SND1: variants seen among roughly 807,000 people sequenced by gnomAD.
The protein encoded by SND1 is staphylococcal nuclease and tudor domain containing 1, also known as staphylococcal nuclease domain-containing protein 1.
SND1 carries 38 observed loss-of-function variants against 121.7 expected under a neutral mutation model. That is an observed-to-expected ratio of 0.31 (90% CI 0.24 to 0.41). The LOEUF is 0.41. Ranked by LOEUF, SND1 falls within the 10% of genes least tolerant of loss-of-function variation. SND1 has a pLI of 1.00. For synonymous variants in SND1, 401 were observed against 447.4 expected (o/e 0.90, Z 1.31); for missense variants, 868 against 1,184.6 (o/e 0.73, Z 3.92).
intron 10 of SND1, among the ~76,000 whole-genome samples, chr7:127,723,721 C>T (rs1227307350): frequency 1.3e-5 from 2 of 152,202 alleles, no homozygotes; most frequent in Admixed American, 1.3e-4. Flanking sequence ...GAATGGCTCT[C>T]TAGGCCAGCG....
intron 10 of SND1, among the ~76,000 whole-genome samples, chr7:127,799,175 A>G (rs1423369906): frequency 1.3e-5 from 2 of 152,192 alleles, no homozygotes; most frequent in Non-Finnish European, 2.9e-5. Context: ...AAACCTGACA[A>G]CCACCGACAG....
chr7:127,734,345 A>G (rs1245841529), intron 10 of SND1, among the ~76,000 whole-genome samples: 1 of 152,110 alleles, frequency 6.6e-6, no homozygotes, highest in Admixed American at 6.5e-5. Flanking sequence ...GGTTTATAAC[A>G]TACTATTTGA....
Position 128,074,598 on chromosome 7 carries a change from G to A in SND1, c.1876G>A (p.Ala626Thr). The part of the protein sequence containing the change: ...ANLSVLLVEH[A>T]LSKVHFTAER... ...CCTGTCCGTCCTGCTGGTGGAGCAC[G>A]CGCTCTCCAAGGTCCACTTCACCGC... The change falls in exon 17 of 24, where the codon GCG becomes ACG. Residue 626 changes from alanine to threonine, a missense_variant. Coordinates refer to ENST00000354725, the MANE Select transcript of SND1 (RefSeq NM_014390.4). 1.9e-6 allele frequency: 3 copies of A among 1,613,864 alleles called. No individual in the cohort carries two copies. The highest frequency in any genetic ancestry group is 8.5e-7 in the Non-Finnish European group (1 of 1,179,998).
Position 128,029,508 on chromosome 7 carries a change from G to A in SND1, c.1779+38452G>A. ...CAGCAACCACTTCACGGAGGACATAGGGGGAGTCCGACACTTAAGTTCTGC... is the reference window on the plus strand; with the variant it reads ...CAGCAACCACTTCACGGAGGACATAAGGGGAGTCCGACACTTAAGTTCTGC... On this transcript the variant is annotated intron_variant, in intron 16 of 23. Transcript: ENST00000354725. This position sits in a 1 kb window ranked among gnomAD's most constrained non-coding sequence, Gnocchi z 4.2. The A allele has an allele frequency of 3.7e-6, 6 of 1,614,112 alleles. No individual in the cohort carries two copies. Among genetic ancestry groups the A allele is most frequent in the Non-Finnish European group, 5.1e-6 (6 of 1,180,036 alleles).
Position 128,088,446 on chromosome 7 carries a change from CTTTT to C in SND1, c.2419-1022_2419-1019del, listed in dbSNP as rs1047161140. ...TGCACTCTGGCCAGTCCCTATCTCTCTTTTTTTTTTTTTTTTTTTTTTTTGAGAT... is the reference window on the plus strand; with the variant it reads ...TGCACTCTGGCCAGTCCCTATCTCTCTTTTTTTTTTTTTTTTTTTTGAGAT... On this transcript the variant is annotated intron_variant, in intron 21 of 23. Transcript: ENST00000354725. Among the ~76,000 whole-genome samples the C allele has an allele frequency of 1.0e-4, 8 of 80,156 alleles. No homozygotes were observed. In the East Asian group the frequency reaches 1.7e-3, roughly 17 times the overall value. The allele number at this position is 80,156 out of a possible 152,430, so 52.6% of individuals were successfully genotyped here.
At chr7:128,028,014 C>T (rs1803529039) in intron 16 of SND1, 1 of 152,690 alleles carries the variant, frequency 6.5e-6, no homozygotes. Context: ...AGTGCACAGA[C>T]CCCCAAGACT....
At chr7:127,882,787 A>G (rs1167979772) in intron 12 of SND1, among the ~76,000 whole-genome samples, 3 of 152,172 alleles carry the variant, frequency 2.0e-5, no homozygotes, top group East Asian at 1.9e-4. Flanking sequence ...AAAAGAGAAC[A>G]TTAAATTGTG....
At chr7:127,844,588 T>C (rs1799023369) in intron 12 of SND1, among the ~76,000 whole-genome samples, 164 bp downstream of exon 12, 1 of 152,236 alleles carries the variant, frequency 6.6e-6, no homozygotes, top group Non-Finnish European at 1.5e-5. Flanking sequence ...TGTAAGTACT[T>C]TATAATCACT....
At chr7:127,760,028 C>T (rs534418776) in intron 10 of SND1, among the ~76,000 whole-genome samples, 8 of 152,288 alleles carry the variant, frequency 5.3e-5, no homozygotes, top group Admixed American at 3.9e-4. Context: ...GTCTCTCCCA[C>T]GTGTCTCTCT....
At chr7:127,850,544 T>G (rs1441951885) in intron 12 of SND1, among the ~76,000 whole-genome samples, 1 of 152,186 alleles carries the variant, frequency 6.6e-6, no homozygotes, top group African/African-American at 2.4e-5. Context: ...TGACTTACGC[T>G]TTAATCATAG....
At chr7:127,957,379 T>C (rs1001232980) in intron 15 of SND1, among the ~76,000 whole-genome samples, 4 of 152,144 alleles carry the variant, frequency 2.6e-5, no homozygotes, top group African/African-American at 4.8e-5. Flanking sequence ...GCCCTATCGT[T>C]GTGGGGGTGT....
chr7:127,694,093 C>T (rs1156982303), intron 2 of SND1, among the ~76,000 whole-genome samples: 1 of 152,174 alleles, frequency 6.6e-6, no homozygotes, highest in Non-Finnish European at 1.5e-5. Flanking sequence ...GGGGCTGTTA[C>T]TGGTGTCCTC....
intron 16 of SND1, chr7:127,997,564 A>G (rs561401629): frequency 2.0e-5 from 8 of 404,822 alleles, no homozygotes; most frequent in South Asian, 1.5e-4. Flanking sequence ...CTATATTCCT[A>G]TATCTAATGT....
intron 16 of SND1, among the ~76,000 whole-genome samples, chr7:128,002,375 T>C (rs1337412317): frequency 6.6e-6 from 1 of 152,176 alleles, no homozygotes; most frequent in Non-Finnish European, 1.5e-5. Context: ...TGAAGTAAAA[T>C]AACATAAGGT....
At chr7:127,997,837 T>C (rs754078052) in intron 16 of SND1, 7 of 534,700 alleles carry the variant, frequency 1.3e-5, no homozygotes, top group African/African-American at 1.2e-4. Flanking sequence ...ACATCAGTCA[T>C]CGCCCTTGCT....
At chr7:127,940,046 T>G (rs1363152700) in intron 15 of SND1, among the ~76,000 whole-genome samples, 1 of 152,190 alleles carries the variant, frequency 6.6e-6, no homozygotes, top group Admixed American at 6.5e-5. Context: ...TCCTGTGAGC[T>G]TTTCCCTAGG....
At chr7:127,802,287 G>T (rs1029953688) in intron 10 of SND1, among the ~76,000 whole-genome samples, 1 of 152,170 alleles carries the variant, frequency 6.6e-6, no homozygotes, top group Non-Finnish European at 1.5e-5. Flanking sequence ...TTAAACCCAT[G>T]TCATTCAAGG....
chr7:128,026,543 ATTAC>A (rs1803482943), intron 16 of SND1, among the ~76,000 whole-genome samples: 1 of 152,220 alleles, frequency 6.6e-6, no homozygotes, highest in African/African-American at 2.4e-5. Flanking sequence ...TCTGGACATT[ATTAC>A]TTGGTAAGCA....
chr7:127,720,600 T>C (rs1398025276), intron 9 of SND1, among the ~76,000 whole-genome samples: 1 of 152,224 alleles, frequency 6.6e-6, no homozygotes, highest in African/African-American at 2.4e-5. Flanking sequence ...TTGTAATTTA[T>C]CCCAGACTAG....
Sources: gnomAD v4.1 joint callset for allele counts (sites outside exome capture counted in the v4.1 genomes callset) on GRCh38, gnomAD v4.1.1 for gene constraint, Gnocchi (gnomAD v3.1) non-coding constraint, MANE v1.5 for transcripts, NCBI Gene and HGNC (gene_info 2026-07-23, HGNC 2026-07-21) for gene names.